Variants in RAD54L2 observed in about 807,000 individuals in gnomAD.
The protein encoded by RAD54L2 is RAD54 like 2, also known as helicase ARIP4.
Under a neutral mutation model 138.4 loss-of-function variants are expected in RAD54L2, and 27 were observed. That is an observed-to-expected ratio of 0.20 (90% confidence interval 0.14 to 0.27). RAD54L2 has a LOEUF of 0.27. Ranked by LOEUF, RAD54L2 falls within the 10% of genes least tolerant of loss-of-function variation. RAD54L2 has a pLI of 1.00. For synonymous variants in RAD54L2, 644 were observed against 723.2 expected (o/e 0.89, Z 1.76); for missense variants, 1,396 against 1,890.2 (o/e 0.74, Z 4.85).
Position 51,662,559 on chromosome 3 carries a change from G to C in RAD54L2, c.3543G>C (p.Gln1181His). The C allele has an allele frequency of 6.2e-7, 1 of 1,613,884 alleles. No individual in the cohort carries two copies. The highest frequency in any genetic ancestry group is 8.5e-7 in the Non-Finnish European group (1 of 1,179,870). The part of the protein sequence containing the change: ...DSPEIISELQ[Q>H]YADVAAARES... ...CAGAGATCATCAGTGAGCTTCAGCA[G>C]TATGCAGATGTGGCTGCTGCCCGGG... The change falls in exon 23 of 23, where the codon CAG (glutamine) becomes CAC (histidine). Residue 1181 changes from glutamine (Q) to histidine (H), a missense_variant. By Grantham distance (24) the Gln-to-His change is conservative (BLOSUM62 0). Coordinates refer to ENST00000684192, the MANE Select transcript of RAD54L2 (RefSeq NM_015106.4). This position sits in a 1 kb window ranked among gnomAD's most constrained non-coding sequence, Gnocchi z 4.6.
At chr3:51,546,178 A>G (rs1553672233) in intron 2 of RAD54L2, among the ~76,000 whole-genome samples, 1 of 151,368 alleles carries the variant, frequency 6.6e-6, no homozygotes, top group African/African-American at 2.4e-5. Context: ...ACCTCAGGTG[A>G]TCCCCCCTCC....
chr3:51,657,469 G>T lies in RAD54L2; in HGVS notation c.3227-111G>T, dbSNP rs140596061. The stretch of plus-strand genomic sequence containing the variant: ...GTTCTGGACCTCTGCCCCACTGAGA[G>T]GCTGTAGGGAAACCAATGAAGAACT... On this transcript the variant is annotated intron_variant, in intron 20 of 22. Coordinates refer to ENST00000684192, the MANE Select transcript of RAD54L2 (RefSeq NM_015106.4). The T allele has an allele frequency of 1.2e-3, 793 of 650,368 alleles. 5 individuals are homozygous for T. In the African/African-American group the frequency reaches 0.013, roughly 10 times the overall value. 40.3% of individuals were successfully genotyped at this position (650,368 alleles called of 1,614,324 possible).
At chr3:51,547,346 A>C (rs1403305550) in intron 2 of RAD54L2, among the ~76,000 whole-genome samples, 3 of 151,930 alleles carry the variant, frequency 2.0e-5, no homozygotes, top group Non-Finnish European at 4.4e-5. Flanking sequence ...ACTATCCTCC[A>C]GCCTGGGCGA....
intron 2 of RAD54L2, among the ~76,000 whole-genome samples, chr3:51,558,257 C>T (rs1055388860): frequency 3.5e-4 from 53 of 152,234 alleles, no homozygotes; most frequent in African/African-American, 1.2e-3. Flanking sequence ...CCACCAGAGA[C>T]GTGTGACCTG....
chr3:51,582,806 C>T (rs1485231248), intron 2 of RAD54L2, among the ~76,000 whole-genome samples: 3 of 151,020 alleles, frequency 2.0e-5, no homozygotes, highest in Non-Finnish European at 2.9e-5. Flanking sequence ...TCGCCCAGGC[C>T]GGACTGCGGA....
At position 51,662,820 on chromosome 3, in the gene RAD54L2, C is replaced by T. The variant is rs773008653; in HGVS notation, c.3804C>T (p.Ser1268=). ...CACCACCTGCTGCCCAGGAGTCATC[C>T]CGCCGGCGGTCCAGGAAGGGTCATC... is the stretch of plus-strand genomic sequence containing the variant. ...LATPPAAQES[S]RRRSRKGHLP... Residue 1268 remains serine (S), a synonymous_variant, in exon 23 of 23, where the codon TCC becomes TCT. Transcript: ENST00000684192. This position sits in a 1 kb window ranked among gnomAD's most constrained non-coding sequence, Gnocchi z 4.6. The T allele has an allele frequency of 6.2e-7, 1 of 1,611,828 alleles. No homozygotes were observed. The highest frequency in any genetic ancestry group is 1.1e-5 in the South Asian group (1 of 90,748).
chr3:51,626,128 G>T (rs1178090681), intron 3 of RAD54L2, among the ~76,000 whole-genome samples: 1 of 152,014 alleles, frequency 6.6e-6, no homozygotes, highest in African/African-American at 2.4e-5. Flanking sequence ...AAAGTTCCTG[G>T]GTCCTTCCTG....
Position 51,638,848 on chromosome 3 carries a change from TG to T in RAD54L2, c.1860+531del, listed in dbSNP as rs918996542. On this transcript the variant is annotated intron_variant, in intron 12 of 22. Transcript: ENST00000684192. The surrounding 1 kb of genome is among the most constrained non-coding windows in gnomAD (Gnocchi z 4.3). Reference sequence around the variant, plus strand: ...AATAAGTCAGCAGAAGGTATGTGTCTGGGGACAAGAGGGGTTTCCAAATATT... The same window carrying T: ...AATAAGTCAGCAGAAGGTATGTGTCTGGGACAAGAGGGGTTTCCAAATATT... 2 of 159,732 alleles carry T rather than the reference TG, an allele frequency of 1.3e-5. No individual in the cohort carries two copies. The highest frequency in any genetic ancestry group is 2.8e-5 in the Non-Finnish European group (2 of 72,650). The allele number at this position is 159,732 out of a possible 1,614,324, so 9.9% of individuals were successfully genotyped here.
chr3:51,592,054 GTTTTTTTTT>G (rs71084151), intron 3 of RAD54L2, among the ~76,000 whole-genome samples: 4 of 66,824 alleles, frequency 6.0e-5, no homozygotes, highest in Non-Finnish European at 1.0e-4. Context: ...TGGTTTTGGT[GTTTTTTTTT>G]TTTTTTTTTT....
chr3:51,658,929 G>A (rs1279220528), intron 21 of RAD54L2, among the ~76,000 whole-genome samples: 1 of 151,972 alleles, frequency 6.6e-6, no homozygotes, highest in Non-Finnish European at 1.5e-5. Flanking sequence ...AAAATCAAAA[G>A]AGTAATATTT....
chr3:51,559,111 A>AT (rs1559616522), intron 2 of RAD54L2, among the ~76,000 whole-genome samples: 1 of 151,316 alleles, frequency 6.6e-6, no homozygotes. Flanking sequence ...CTGACCTCAG[A>AT]TGATCCACCA....
At position 51,646,390 on chromosome 3, in the gene RAD54L2, T is replaced by C. The variant is rs755063854; in HGVS notation, c.2935T>C (p.Ser979Pro). 2 of 1,613,774 alleles carry C rather than the reference T, an allele frequency of 1.2e-6. No individual in the cohort carries two copies. Among genetic ancestry groups the C allele is most frequent in the Non-Finnish European group, 1.7e-6 (2 of 1,179,842 alleles). Residue 979 changes from serine to proline, a missense_variant, in exon 19 of 23, where the codon TCA becomes CCA. Physicochemically the swap from Ser to Pro is moderately conservative, Grantham distance 74. Around this residue, in one of 7 missense-constraint regions of RAD54L2, gnomAD observed 634 missense variants for 711.2 expected, o/e 0.89. Coordinates refer to ENST00000684192, the MANE Select transcript of RAD54L2 (RefSeq NM_015106.4). The part of the protein sequence containing the change: ...KKSYEEDKRT[S>P]VPYTRPSYAQ... Reference sequence around the variant, plus strand: ...AAGCTATGAGGAAGACAAACGCACATCAGTCCCCTATACCCGCCCATCGTA... The same window carrying C: ...AAGCTATGAGGAAGACAAACGCACACCAGTCCCCTATACCCGCCCATCGTA...
chr3:51,590,468 C>A lies in RAD54L2; in HGVS notation c.48C>A (p.Asp16Glu). The A allele has an allele frequency of 6.4e-7, 1 of 1,551,466 alleles. No individual in the cohort carries two copies. The change falls in exon 3 of 23, where the codon GAC (aspartate) becomes GAA (glutamate). Residue 16 changes from aspartate (D) to glutamate (E), a missense_variant. Transcript: ENST00000684192. ...ASGSDPDLDP[D>E]VELEDAEEEE... ...GGAGCGATCCAGACCTGGACCCGGA[C>A]GTGGAGCTGGAGGATGCGGAAGAGG...
intron 2 of RAD54L2, among the ~76,000 whole-genome samples, chr3:51,577,419 C>T (rs1240951204): frequency 1.1e-4 from 17 of 152,124 alleles, no homozygotes; most frequent in South Asian, 4.2e-4. Context: ...TCTGTCTCGT[C>T]GATCTGTCTA....
Position 51,638,352 on chromosome 3 carries a change from G to A in RAD54L2, c.1860+31G>A. ...TTGGGGCCTCAGGGAAGATTGAGAT[G>A]GGGACTAAGGATACACATGGTCCCA... On this transcript the variant is annotated intron_variant, in intron 12 of 22. Coordinates refer to ENST00000684192, the MANE Select transcript of RAD54L2 (RefSeq NM_015106.4). The surrounding 1 kb of genome is among the most constrained non-coding windows in gnomAD (Gnocchi z 4.3). 2 of 1,610,846 alleles carry A rather than the reference G, an allele frequency of 1.2e-6. No individual in the cohort carries two copies. Among genetic ancestry groups the A allele is most frequent in the Non-Finnish European group, 1.7e-6 (2 of 1,178,242 alleles).
chr3:51,630,860 C>G lies in RAD54L2; in HGVS notation c.754C>G (p.Leu252Val). ...RDALGRVLVNLNHPPEEENVF... is the reference protein window; with the variant it reads ...RDALGRVLVNVNHPPEEENVF... ...CGCCCTTGGGCGGGTCCTTGTCAAC[C>G]TAAACCACCCTCCAGAGGAGGAAAA... is the stretch of plus-strand genomic sequence containing the variant. Residue 252 changes from leucine to valine, a missense_variant, in exon 7 of 23, where the codon CTA becomes GTA. Around this residue, in one of 7 missense-constraint regions of RAD54L2, gnomAD observed 256 missense variants for 344.6 expected, o/e 0.74. Transcript: ENST00000684192. The G allele has an allele frequency of 6.2e-7, 1 of 1,614,060 alleles. No individual in the cohort carries two copies.
At position 51,638,118 on chromosome 3, in the gene RAD54L2, C is replaced by G. The variant is rs375266084; in HGVS notation, c.1683-26C>G. On this transcript the variant is annotated intron_variant, in intron 11 of 22. Transcript: ENST00000684192. This position sits in a 1 kb window ranked among gnomAD's most constrained non-coding sequence, Gnocchi z 4.3. ...ACCCCTCCTGGCCACACTACCTTGC[C>G]GTTTCTGTTCTGTTTGCCTCCATAG... 6.2e-7 allele frequency: 1 copy of G among 1,610,696 alleles called. No homozygotes were observed. The highest frequency in any genetic ancestry group is 1.1e-5 in the South Asian group (1 of 90,802).
chr3:51,586,214 G>T (rs1193213498), intron 2 of RAD54L2, among the ~76,000 whole-genome samples: 1 of 151,830 alleles, frequency 6.6e-6, no homozygotes, highest in African/African-American at 2.4e-5. Context: ...TGTTGCCTGG[G>T]CTCAAGTGAT....
At chr3:51,603,560 T>C (rs975337711) in intron 3 of RAD54L2, among the ~76,000 whole-genome samples, 1 of 152,030 alleles carries the variant, frequency 6.6e-6, no homozygotes, top group African/African-American at 2.4e-5. Context: ...GAGCCAAGAT[T>C]GTGCTGTTAC....
Sources: allele counts gnomAD v4.1 joint callset (sites outside exome capture counted in the v4.1 genomes callset), GRCh38; gene constraint gnomAD v4.1.1; regional missense constraint gnomAD v4.1.1; non-coding constraint Gnocchi (gnomAD v3.1); transcripts MANE v1.5; gene names NCBI Gene and HGNC (gene_info 2026-07-23, HGNC 2026-07-21).